Variants in ZNF607 observed in about 807,000 individuals in gnomAD.
ZNF607 encodes the protein zinc finger protein 607.
ZNF607 carries 5 observed loss-of-function variants against 12.8 expected under a neutral mutation model. The ratio of observed to expected loss-of-function variants is 0.39; its 90% CI spans 0.20 to 0.82. The LOEUF is 0.82. Among genes scored for constraint, ZNF607 ranks in the 40% least tolerant of loss-of-function variants. The pLI is 0.39. For missense variants in ZNF607, 851 were observed against 859.2 expected (o/e 0.99, Z 0.12); for synonymous variants, 287 against 276.2 (o/e 1.04, Z -0.39).
intron 4 of ZNF607, 71 bp downstream of exon 4, chr19:37,707,842 CA>C: frequency 8.4e-7 from 1 of 1,189,496 alleles, no homozygotes; most frequent in Non-Finnish European, 1.2e-6. Context: ...ATGCGTTTAC[CA>C]AATGAGATGA....
At position 37,698,316 on chromosome 19, in the gene ZNF607, A is replaced by C. The variant is rs754912232; in HGVS notation, c.1815T>G (p.Ile605Met). 6.2e-7 allele frequency: 1 copy of C among 1,614,044 alleles called. No individual in the cohort carries two copies. The highest frequency in any genetic ancestry group is 8.5e-7 in the Non-Finnish European group (1 of 1,180,026). Residue 605 changes from isoleucine to methionine, a missense_variant, in exon 5 of 5, where the codon ATT becomes ATG. Transcript: ENST00000355202. ...GETFSHASHL[I>M]IHERIHTSDK... ...CACTGGTATGAATTCTCTCATGAATAATAAGATGTGAAGCATGACTAAAAG... is the reference window on the plus strand; with the variant it reads ...CACTGGTATGAATTCTCTCATGAATCATAAGATGTGAAGCATGACTAAAAG...
At position 37,705,383 on chromosome 19, in the gene ZNF607, C is replaced by T. The variant is rs113668456; in HGVS notation, c.235+2531G>A. 4.6e-3 allele frequency among the ~76,000 whole-genome samples: 698 copies of T among 152,156 alleles called. 4 individuals are homozygous for T. The highest frequency in any genetic ancestry group is 0.016 in the African/African-American group (674 of 41,520). ...CATCCAGTAAATAATTTAAGCTGGT[C>T]GGGCCCTTCAGAAAACAGTTTGCCA... On this transcript the variant is annotated intron_variant, in intron 4 of 4. Transcript: ENST00000355202.
Position 37,698,269 on chromosome 19 carries a change from C to A in ZNF607, c.1862G>T (p.Arg621Ile), listed in dbSNP as rs769230110. The change falls in exon 5 of 5, where the codon AGA (arginine) becomes ATA (isoleucine). Residue 621 changes from arginine (R) to isoleucine (I), a missense_variant. By Grantham distance (97) the Arg-to-Ile change is moderately conservative (BLOSUM62 -3). Transcript: ENST00000355202. ...HTSDKPYECK[R>I]CGKAFHCASY... ...GGCACAGTGAAATGCCTTCCCACATCTTTTACATTCATAGGGTTTATCACT... is the reference window on the plus strand; with the variant it reads ...GGCACAGTGAAATGCCTTCCCACATATTTTACATTCATAGGGTTTATCACT... 6.2e-7 allele frequency: 1 copy of A among 1,613,638 alleles called. No individual in the cohort carries two copies. Among genetic ancestry groups the A allele is most frequent in the Non-Finnish European group, 8.5e-7 (1 of 1,179,888 alleles).
Position 37,698,085 on chromosome 19 carries a change from A to C in ZNF607, c.2046T>G (p.Phe682Leu). 1 of 1,612,732 alleles carries C rather than the reference A, an allele frequency of 6.2e-7. No homozygotes were observed. ...GTACTTCAAGGATGGATCTAAGCCTAAAGGACCTTCTGCATTTGTTACATT... is the reference window on the plus strand; with the variant it reads ...GTACTTCAAGGATGGATCTAAGCCTCAAGGACCTTCTGCATTTGTTACATT... ...PFKCNKCRRS[F>L]RLRSILEVHQ... The change falls in exon 5 of 5, where the codon TTT (phenylalanine) becomes TTG (leucine). Residue 682 changes from phenylalanine (F) to leucine (L), a missense_variant. Phe to Leu is a conservative substitution (Grantham distance 22, BLOSUM62 0). Transcript: ENST00000355202.
At position 37,697,854 on chromosome 19, in the gene ZNF607, A is replaced by T; in HGVS notation, c.*186T>A. 1 of 538,810 alleles carries T rather than the reference A, an allele frequency of 1.9e-6. No individual in the cohort carries two copies. The allele number at this position is 538,810 out of a possible 1,614,324, so 33.4% of individuals were successfully genotyped here. A position where few individuals can be genotyped will look rare whatever the true frequency, so the allele number is the denominator to read the frequency against. Reference sequence around the variant, plus strand: ...CTCTGAATCTGAGTTAACACAGGTCATACCAAAGAAACTGCATATATGATT... The same window carrying T: ...CTCTGAATCTGAGTTAACACAGGTCTTACCAAAGAAACTGCATATATGATT... On this transcript the variant is annotated 3_prime_UTR_variant, in exon 5 of 5. Transcript: ENST00000355202.
chr19:37,698,052 T>A lies in ZNF607; in HGVS notation c.2079A>T (p.Arg693Ser). ...CACAATTTCTCTATCAAATATGAAT[T>A]CTCTGATGTACTTCAAGGATGGATC... ...RLRSILEVHQ[R>S]IHI The change falls in exon 5 of 5, where the codon AGA becomes AGT. Residue 693 changes from arginine to serine, a missense_variant. Coordinates refer to ENST00000355202, the MANE Select transcript of ZNF607 (RefSeq NM_032689.5). 6.3e-7 allele frequency: 1 copy of A among 1,589,116 alleles called. No individual in the cohort carries two copies. Among genetic ancestry groups the A allele is most frequent in the Non-Finnish European group, 8.5e-7 (1 of 1,170,854 alleles).
At chr19:37,710,873 A>G (rs1292639109) in intron 2 of ZNF607, among the ~76,000 whole-genome samples, 2 of 152,180 alleles carry the variant, frequency 1.3e-5, no homozygotes, top group African/African-American at 4.8e-5. Flanking sequence ...TCAATTTTAG[A>G]AAACTAGGTT....
chr19:37,698,664 G>A lies in ZNF607; in HGVS notation c.1467C>T (p.Ser489=). The A allele has an allele frequency of 6.2e-7, 1 of 1,613,048 alleles. No individual in the cohort carries two copies. The highest frequency in any genetic ancestry group is 1.3e-5 in the African/African-American group (1 of 74,628). Residue 489 remains serine, a synonymous_variant, in exon 5 of 5, where the codon AGC becomes AGT. Coordinates refer to ENST00000355202, the MANE Select transcript of ZNF607 (RefSeq NM_032689.5). ...CTCTGCGATGTATAGTGAGTTTATG[G>A]CTATAACTAAAACCCTTCCCACACT... The part of the protein sequence containing the change: ...CQECGKGFSY[S]HKLTIHRRVH...
chr19:37,709,061 C>T (rs553219787), intron 3 of ZNF607, among the ~76,000 whole-genome samples: 2 of 152,242 alleles, frequency 1.3e-5, no homozygotes, highest in East Asian at 3.9e-4. Context: ...GTTCACATTA[C>T]ACTGCTGCAA....
In ZNF607 at chr19:37,698,275, C is replaced by T. The variant is rs1237686617; in HGVS notation, c.1856G>A (p.Cys619Tyr). 2 of 1,614,172 alleles carry T rather than the reference C, an allele frequency of 1.2e-6. No individual in the cohort carries two copies. The highest frequency in any genetic ancestry group is 1.7e-6 in the Non-Finnish European group (2 of 1,180,030). Residue 619 changes from cysteine to tyrosine, a missense_variant, in exon 5 of 5, where the codon TGT becomes TAT. Coordinates refer to ENST00000355202, the MANE Select transcript of ZNF607 (RefSeq NM_032689.5). ...RIHTSDKPYECKRCGKAFHCA... is the reference protein window; with the variant it reads ...RIHTSDKPYEYKRCGKAFHCA... ...GTGAAATGCCTTCCCACATCTTTTA[C>T]ATTCATAGGGTTTATCACTGGTATG...
intron 1 of ZNF607, among the ~76,000 whole-genome samples, chr19:37,718,630 T>A (rs996378809): frequency 6.6e-6 from 1 of 152,336 alleles, no homozygotes; most frequent in South Asian, 2.1e-4. Flanking sequence ...TAGGCCCATC[T>A]GTACACTTCA....
intron 4 of ZNF607, among the ~76,000 whole-genome samples, chr19:37,700,118 T>A (rs1410450028): frequency 6.6e-6 from 1 of 152,090 alleles, no homozygotes; most frequent in African/African-American, 2.4e-5. Context: ...AGAGCCCTGT[T>A]TTGTAGTGTT....
At chr19:37,718,876 G>A (rs1049316371) in intron 1 of ZNF607, 7 of 152,160 alleles carry the variant, frequency 4.6e-5, no homozygotes, top group Non-Finnish European at 8.8e-5. Flanking sequence ...ATTCGGAGTT[G>A]AGCCCAATGT....
In ZNF607 at chr19:37,697,047, AG is replaced by A. The variant is rs1166787694; in HGVS notation, c.*992del. Reference sequence around the variant, plus strand: ...GAGGATCTCCGTGGTAATGAACGGCAGCACACACTCATCGTAGTCCTCTCCA... The same window carrying A: ...GAGGATCTCCGTGGTAATGAACGGCACACACACTCATCGTAGTCCTCTCCA... On this transcript the variant is annotated 3_prime_UTR_variant, in exon 5 of 5. Transcript: ENST00000355202. The A allele has an allele frequency of 5.4e-6, 4 of 734,938 alleles. No homozygotes were observed. Among genetic ancestry groups the A allele is most frequent in the Admixed American group, 1.8e-5 (1 of 55,928 alleles). 45.5% of individuals were successfully genotyped at this position (734,938 alleles called of 1,614,324 possible). A position where few individuals can be genotyped will look rare whatever the true frequency, so the allele number is the denominator to read the frequency against.
At chr19:37,709,928 G>A (rs187869006) in intron 2 of ZNF607, 106 bp from the exon 3 acceptor site, 12 of 1,325,146 alleles carry the variant, frequency 9.1e-6, no homozygotes, top group East Asian at 2.4e-5. Flanking sequence ...AGGCCGAGGC[G>A]GGCAGATCAT....
chr19:37,711,664 C>T lies in ZNF607; in HGVS notation c.-46G>A, dbSNP rs1172193075. ...TGATCAGTCCTTGGCGTTTCTCTAC[C>T]AGAAGAGCAAAGTCAAAAGAACCAA... On this transcript the variant is annotated 5_prime_UTR_variant, in exon 2 of 5. Transcript: ENST00000355202. The T allele has an allele frequency of 6.2e-7, 1 of 1,608,350 alleles. No individual in the cohort carries two copies. Among genetic ancestry groups the T allele is most frequent in the South Asian group, 1.1e-5 (1 of 90,804 alleles).
intron 1 of ZNF607, among the ~76,000 whole-genome samples, chr19:37,714,491 G>A (rs2045159181): frequency 1.3e-5 from 2 of 150,294 alleles, no homozygotes; most frequent in South Asian, 4.2e-4. Flanking sequence ...CTTGAACCAG[G>A]AGACCGAGGT....
At chr19:37,717,431 C>T (rs1273997647) in intron 1 of ZNF607, among the ~76,000 whole-genome samples, 2 of 151,960 alleles carry the variant, frequency 1.3e-5, no homozygotes, top group East Asian at 2.0e-4. Flanking sequence ...ATGATCTGCC[C>T]GCCTCGGCCT....
Position 37,714,921 on chromosome 19 carries a change from T to C in ZNF607, c.-74-3229A>G, listed in dbSNP as rs562976169. ...CCTGTTTTTCTTTCTTTCTTTCTTT[T>C]TTTGAAATGGAGTCGCGTTCTGTCG... On this transcript the variant is annotated intron_variant, in intron 1 of 4. Coordinates refer to ENST00000355202, the MANE Select transcript of ZNF607 (RefSeq NM_032689.5). Among the ~76,000 whole-genome samples the C allele has an allele frequency of 4.1e-4, 62 of 152,172 alleles. 1 individual carries two copies. In the South Asian group the frequency reaches 0.012, roughly 30 times the overall value.
Sources: allele counts gnomAD v4.1 joint callset (sites outside exome capture counted in the v4.1 genomes callset), GRCh38; gene constraint gnomAD v4.1.1; transcripts MANE v1.5; gene names NCBI Gene and HGNC (gene_info 2026-07-23, HGNC 2026-07-21).